Variants in ARPC4 observed in about 807,000 individuals in gnomAD.
ARPC4 encodes the protein actin related protein 2/3 complex subunit 4.
Under a neutral mutation model 22.8 loss-of-function variants are expected in ARPC4, and 3 were observed. The ratio of observed to expected loss-of-function variants is 0.13; its 90% CI spans 0.06 to 0.34. ARPC4 has a LOEUF of 0.34. Ranked by LOEUF, ARPC4 falls within the 10% of genes least tolerant of loss-of-function variation. ARPC4 has a pLI of 1.00. For missense variants in ARPC4, 98 were observed against 211.0 expected, an observed-to-expected ratio of 0.46 and a Z score of 3.32; for synonymous variants, 80 against 72.5, an observed-to-expected ratio of 1.10 and a Z score of -0.52.
chr3:9,796,995 C>T (rs1046652469), intron 1 of ARPC4, among the ~76,000 whole-genome samples: 1 of 151,568 alleles, frequency 6.6e-6, no homozygotes, highest in East Asian at 1.9e-4. Flanking sequence ...CTCCTAATCC[C>T]ATTTCACCTT....
intron 2 of ARPC4, 102 bp downstream of exon 2, chr3:9,797,879 G>C: frequency 8.3e-7 from 1 of 1,205,420 alleles, no homozygotes; most frequent in Non-Finnish European, 1.1e-6. Flanking sequence ...AGTCAGGAAA[G>C]CTGCAGTTGA....
In ARPC4 at chr3:9,795,251, C is replaced by T. The variant is rs562145309; in HGVS notation, c.3+2127C>T. Among the ~76,000 whole-genome samples the T allele has an allele frequency of 2.2e-4, 33 of 152,254 alleles. No individual in the cohort carries two copies. The East Asian group carries it at 6.0e-3, about 28-fold the overall frequency. On this transcript the variant is annotated intron_variant, in intron 1 of 5. Coordinates refer to ENST00000397261, the MANE Select transcript of ARPC4 (RefSeq NM_005718.5). ...CTGACCTGAGGTGGTCCACCCACCTCGGCCTCCCAAAGTGCCGGGATTACA... is the reference window on the plus strand; with the variant it reads ...CTGACCTGAGGTGGTCCACCCACCTTGGCCTCCCAAAGTGCCGGGATTACA...
chr3:9,797,188 A>G (rs1422078404), intron 1 of ARPC4, among the ~76,000 whole-genome samples: 5 of 152,180 alleles, frequency 3.3e-5, no homozygotes, highest in Admixed American at 6.5e-5. Flanking sequence ...ACACCTATAC[A>G]TTTGTTGGCC....
At chr3:9,793,327 T>C (rs934274059) in intron 1 of ARPC4, 3 of 1,077,012 alleles carry the variant, frequency 2.8e-6, no homozygotes, top group Non-Finnish European at 3.8e-6. Context: ...TGGTATGAAG[T>C]GGGCCTTGTG....
chr3:9,792,978 A>C, upstream of ARPC4: 1 of 1,428,898 alleles, frequency 7.0e-7, no homozygotes, highest in Non-Finnish European at 9.2e-7. Flanking sequence ...AAGCGTTCGT[A>C]AGGGCTCTCT....
At chr3:9,799,915 A>G (rs1376738405) in intron 2 of ARPC4, 1 of 579,958 alleles carries the variant, frequency 1.7e-6, no homozygotes, top group Admixed American at 2.2e-5. Flanking sequence ...GTCATTTTAC[A>G]GATGAGAAAA....
At chr3:9,804,996 C>A (rs1464344388) in intron 5 of ARPC4, among the ~76,000 whole-genome samples, 2 of 152,218 alleles carry the variant, frequency 1.3e-5, no homozygotes, top group Non-Finnish European at 2.9e-5. Flanking sequence ...TAATACTTAT[C>A]TTTCAGTGGT....
At chr3:9,797,913 A>G (rs1184278517) in intron 2 of ARPC4, 136 bp downstream of exon 2, 2 of 922,014 alleles carry the variant, frequency 2.2e-6, no homozygotes, top group Non-Finnish European at 3.2e-6. Flanking sequence ...TGCCAGCTGA[A>G]TGGTGATTCC....
intron 3 of ARPC4, among the ~76,000 whole-genome samples, chr3:9,800,713 C>T (rs1415036555): frequency 6.6e-6 from 1 of 152,116 alleles, no homozygotes; most frequent in Non-Finnish European, 1.5e-5. Context: ...TCATGAGCCA[C>T]CATGCCTGGC....
At chr3:9,795,999 G>T (rs1456412241) in intron 1 of ARPC4, among the ~76,000 whole-genome samples, 3 of 152,192 alleles carry the variant, frequency 2.0e-5, no homozygotes, top group African/African-American at 7.2e-5. Flanking sequence ...GCATGGCTGA[G>T]GCAGGTGAAT....
chr3:9,800,505 A>C lies in ARPC4; in HGVS notation c.234+209A>C, dbSNP rs1185944035. On this transcript the variant is annotated intron_variant, in intron 3 of 5. Coordinates refer to ENST00000397261, the MANE Select transcript of ARPC4 (RefSeq NM_005718.5). ...AGCAGCATGATCTCAGCTCACTGCA[A>C]CCTCTGCCTCCCGGGTTCAAGCAGT... Among the ~76,000 whole-genome samples the C allele has an allele frequency of 2.0e-5, 3 of 151,918 alleles. No homozygotes were observed. In the East Asian group the frequency reaches 5.8e-4, roughly 29 times the overall value.
At chr3:9,804,446 T>C (rs2125650851) in intron 5 of ARPC4, among the ~76,000 whole-genome samples, 1 of 152,340 alleles carries the variant, frequency 6.6e-6, no homozygotes. Context: ...CAGGCTTAAA[T>C]CATGATTCCT....
In ARPC4 at chr3:9,806,387, G is replaced by A; in HGVS notation, c.*172G>A. On this transcript the variant is annotated 3_prime_UTR_variant, in exon 6 of 6. Coordinates refer to ENST00000397261, the MANE Select transcript of ARPC4 (RefSeq NM_005718.5). ...CTAGCTGGGCAAGAAAGCAGCAGTG[G>A]ACCTGCCCCAAGGCCACACGTGCCT... is the stretch of plus-strand genomic sequence containing the variant. The A allele has an allele frequency of 1.3e-6, 1 of 759,754 alleles. No individual in the cohort carries two copies. Among genetic ancestry groups the A allele is most frequent in the Non-Finnish European group, 2.3e-6 (1 of 435,708 alleles). The allele number at this position is 759,754 out of a possible 1,614,324, so 47.1% of individuals were successfully genotyped here. A position where few individuals can be genotyped will look rare whatever the true frequency, so the allele number is the denominator to read the frequency against.
chr3:9,803,792 T>C (rs1253433281), intron 4 of ARPC4, 51 bp from the exon 5 acceptor site: 1 of 1,577,486 alleles, frequency 6.3e-7, no homozygotes, highest in Admixed American at 1.7e-5. Flanking sequence ...CATGGGGTGC[T>C]AATTCTCTCC....
intron 1 of ARPC4, among the ~76,000 whole-genome samples, chr3:9,797,053 T>G (rs567217489): frequency 1.3e-5 from 2 of 150,440 alleles, no homozygotes; most frequent in Non-Finnish European, 3.0e-5. Context: ...AATCTAAATA[T>G]TTCACATGTC....
At chr3:9,794,897 A>G (rs1327268536) in intron 1 of ARPC4, among the ~76,000 whole-genome samples, 10 of 152,178 alleles carry the variant, frequency 6.6e-5, no homozygotes, top group Non-Finnish European at 1.2e-4. Context: ...GCTTCTTACC[A>G]TAATACATTT....
Position 9,793,135 on chromosome 3 carries a change from C to CGGGCCCCCGGCCAG in ARPC4, c.3+14_3+27dup, listed in dbSNP as rs907933372. ...CCAGCGCCCGCGATGGTGAGAGAGC[C>CGGGCCCCCGGCCAG]GGGCCCCCGGCCAGGGACCCCCGGC... On this transcript the variant is annotated intron_variant, in intron 1 of 5. Coordinates refer to ENST00000397261, the MANE Select transcript of ARPC4 (RefSeq NM_005718.5). The CGGGCCCCCGGCCAG allele has an allele frequency of 3.5e-5, 54 of 1,541,974 alleles. No individual in the cohort carries two copies. The highest frequency in any genetic ancestry group is 4.5e-5 in the Non-Finnish European group (51 of 1,142,524).
At chr3:9,792,815 T>G, upstream of ARPC4, 1 of 1,352,084 alleles carries the variant, frequency 7.4e-7, no homozygotes. Context: ...GCTGTACCAT[T>G]GCATACCTGG....
chr3:9,801,832 A>G, intron 4 of ARPC4, 76 bp downstream of exon 4: 2 of 1,402,928 alleles, frequency 1.4e-6, no homozygotes, highest in South Asian at 2.7e-5. Flanking sequence ...TTCTAGAACC[A>G]GCTACTCCAG....
Sources: allele counts gnomAD v4.1 joint callset (sites outside exome capture counted in the v4.1 genomes callset), GRCh38; gene constraint gnomAD v4.1.1; transcripts MANE v1.5; gene names NCBI Gene and HGNC (gene_info 2026-07-23, HGNC 2026-07-21).